The following CARM1 variants were observed in gnomAD, a reference collection of about 807,000 sequenced individuals.
The protein encoded by CARM1 is coactivator associated arginine methyltransferase 1, also known as histone-arginine methyltransferase CARM1.
In CARM1, 14 loss-of-function variants were observed where a neutral mutation model predicts 72.7. The observed-to-expected ratio is 0.19, with a 90% confidence interval of 0.13 to 0.30. CARM1 has a LOEUF of 0.30. Among genes scored for constraint, CARM1 ranks in the 10% least tolerant of loss-of-function variants. The pLI, the probability that CARM1 is intolerant of heterozygous loss-of-function variation, is 1.00. For missense variants in CARM1, 432 were observed against 833.7 expected, an observed-to-expected ratio of 0.52 and a Z score of 5.93; for synonymous variants, 333 against 345.5, an observed-to-expected ratio of 0.96 and a Z score of 0.40.
At chr19:10,919,283 T>G in intron 8 of CARM1, 1 of 298,468 alleles carries the variant, frequency 3.4e-6, no homozygotes, top group Non-Finnish European at 6.2e-6. Flanking sequence ...TTAGATGGTT[T>G]CCAGTGTGTC....
Position 10,921,056 on chromosome 19 carries a change from C to T in CARM1, c.1544C>T (p.Pro515Leu), listed in dbSNP as rs752644931. ...LSSGMAVAGM[P>L]TAYDLSSVIA... ...TCTCCCTCTCTGGACACAGGGATGC[C>T]GACCGCCTATGACTTGAGCAGTGTT... is the stretch of plus-strand genomic sequence containing the variant. The change falls in exon 14 of 16, where the codon CCG becomes CTG. Residue 515 changes from proline (P) to leucine (L), a missense_variant. Pro to Leu is a moderately conservative substitution (Grantham distance 98). Coordinates refer to ENST00000327064, the MANE Select transcript of CARM1 (RefSeq NM_199141.2). 17 of 1,613,980 alleles carry T rather than the reference C, an allele frequency of 1.1e-5. No homozygotes were observed. The highest frequency in any genetic ancestry group is 1.3e-5 in the Non-Finnish European group (15 of 1,179,932).
chr19:10,909,760 AAAAC>A (rs2074133580), intron 4 of CARM1, among the ~76,000 whole-genome samples: 3 of 152,262 alleles, frequency 2.0e-5, no homozygotes, highest in South Asian at 4.1e-4. Flanking sequence ...ACAAACAAAA[AAAAC>A]AAAAAGCAAG....
chr19:10,883,312 C>T (rs1290933100), intron 1 of CARM1, among the ~76,000 whole-genome samples: 1 of 152,124 alleles, frequency 6.6e-6, no homozygotes, highest in Non-Finnish European at 1.5e-5. Flanking sequence ...AGGTAGGACA[C>T]AGAGTAGCCC....
At chr19:10,872,211 G>A (rs1053595316) in intron 1 of CARM1, among the ~76,000 whole-genome samples, 11 of 151,934 alleles carry the variant, frequency 7.2e-5, no homozygotes, top group Non-Finnish European at 1.6e-4. Flanking sequence ...CAGGAAGTGG[G>A]GGGCTCTGAG....
intron 1 of CARM1, among the ~76,000 whole-genome samples, chr19:10,902,810 A>G (rs1186982433): frequency 6.6e-6 from 1 of 150,626 alleles, no homozygotes; most frequent in East Asian, 2.0e-4. Flanking sequence ...GGATTTCACC[A>G]TGTTGCCCAG....
Position 10,920,330 on chromosome 19 carries a change from C to A in CARM1, c.1197-106C>A. ...GTCTCTGCTCCAGGGTCCCAGGGGT[C>A]CCTGGCAGAGGGGGCAGGTGCTTGG... is the stretch of plus-strand genomic sequence containing the variant. On this transcript the variant is annotated intron_variant, in intron 10 of 15. Transcript: ENST00000327064. This position sits in a 1 kb window ranked among gnomAD's most constrained non-coding sequence, Gnocchi z 5.3. 1 of 1,356,492 alleles carries A rather than the reference C, an allele frequency of 7.4e-7. No individual in the cohort carries two copies. Among genetic ancestry groups the A allele is most frequent in the South Asian group, 1.4e-5 (1 of 71,018 alleles). The allele number at this position is 1,356,492 out of a possible 1,614,324, so 84.0% of individuals were successfully genotyped here.
intron 2 of CARM1, among the ~76,000 whole-genome samples, chr19:10,907,349 C>G (rs955955149): frequency 3.9e-5 from 6 of 152,020 alleles, no homozygotes; most frequent in Non-Finnish European, 8.8e-5. Flanking sequence ...TAGATAGAGC[C>G]TGCTTTAAAG....
intron 8 of CARM1, among the ~76,000 whole-genome samples, chr19:10,917,066 AAAAT>A (rs1004667948): frequency 2.0e-4 from 31 of 152,102 alleles, no homozygotes; most frequent in African/African-American, 2.7e-4. Flanking sequence ...TTTTAAAATT[AAAAT>A]AAATAAATAA....
chr19:10,889,356 C>G (rs2073964679), intron 1 of CARM1, among the ~76,000 whole-genome samples: 1 of 151,800 alleles, frequency 6.6e-6, no homozygotes, highest in Admixed American at 6.6e-5. Context: ...CCTTTGTCAC[C>G]CAGGCTGGAG....
chr19:10,875,523 C>G (rs1015637662), intron 1 of CARM1, among the ~76,000 whole-genome samples: 1 of 152,006 alleles, frequency 6.6e-6, no homozygotes, highest in Non-Finnish European at 1.5e-5. Flanking sequence ...CTCCTGGGTT[C>G]AGGCCATTCT....
rs1160334067 is a variant in CARM1 at position 10,915,317 on chromosome 19, G to A, written c.848-1090G>A. On this transcript the variant is annotated intron_variant, in intron 6 of 15. Coordinates refer to ENST00000327064, the MANE Select transcript of CARM1 (RefSeq NM_199141.2). The surrounding 1 kb of genome is among the most constrained non-coding windows in gnomAD (Gnocchi z 4.6). ...CCCAGCAGAGAGGGCCCCTCCCGAT[G>A]GGACATGAAGCCAGATGGCAGTCAG... is the stretch of plus-strand genomic sequence containing the variant. 6.6e-6 allele frequency among the ~76,000 whole-genome samples: 1 copy of A among 152,164 alleles called. No individual in the cohort carries two copies. The highest frequency in any genetic ancestry group is 1.5e-5 in the Non-Finnish European group (1 of 68,012).
Position 10,912,128 on chromosome 19 carries a change from C to A in CARM1, c.559-56C>A. ...TGCACATCCCTTATGATCACTGTCA[C>A]CTCCCCATCACCGTCGCCTCCTATG... On this transcript the variant is annotated intron_variant, in intron 4 of 15. Coordinates refer to ENST00000327064, the MANE Select transcript of CARM1 (RefSeq NM_199141.2). The surrounding 1 kb of genome is among the most constrained non-coding windows in gnomAD (Gnocchi z 4.5). 2.4e-6 allele frequency: 3 copies of A among 1,228,962 alleles called. No individual in the cohort carries two copies. Among genetic ancestry groups the A allele is most frequent in the South Asian group, 1.2e-5 (1 of 83,358 alleles). 76.1% of individuals were successfully genotyped at this position (1,228,962 alleles called of 1,614,324 possible).
In CARM1 at chr19:10,916,519, C is replaced by T. The variant is rs769293458; in HGVS notation, c.938+22C>T. 14 of 1,566,834 alleles carry T rather than the reference C, an allele frequency of 8.9e-6. 1 individual carries two copies. The South Asian group carries it at 1.1e-4, about 12-fold the overall frequency. ...TCTGGTGAGTGTGCCCTGGGTGTCC[C>T]GCCTGGGCCCCACAGCCTGCCTTCT... is the stretch of plus-strand genomic sequence containing the variant. On this transcript the variant is annotated intron_variant, in intron 7 of 15. Coordinates refer to ENST00000327064, the MANE Select transcript of CARM1 (RefSeq NM_199141.2). The surrounding 1 kb of genome is among the most constrained non-coding windows in gnomAD (Gnocchi z 4.4).
chr19:10,913,421 C>T (rs542044653), intron 5 of CARM1, among the ~76,000 whole-genome samples: 68 of 151,902 alleles, frequency 4.5e-4, no homozygotes, highest in Admixed American at 9.8e-4. Context: ...GCCTGTAGTC[C>T]CAGCTACTCG....
chr19:10,913,764 GA>G (rs1412496626), intron 5 of CARM1, 112 bp from the exon 6 acceptor site: 5 of 1,110,128 alleles, frequency 4.5e-6, no homozygotes, highest in Non-Finnish European at 6.4e-6. Context: ...GAAGCAGGCA[GA>G]GGGGCACCCA....
At chr19:10,878,473 A>G (rs1463128094) in intron 1 of CARM1, among the ~76,000 whole-genome samples, 1 of 152,166 alleles carries the variant, frequency 6.6e-6, no homozygotes, top group African/African-American at 2.4e-5. Flanking sequence ...GTATGTTACC[A>G]CTTACTCTGA....
chr19:10,906,841 T>G (rs992505225), intron 2 of CARM1, among the ~76,000 whole-genome samples: 1 of 151,692 alleles, frequency 6.6e-6, no homozygotes, highest in African/African-American at 2.4e-5. Context: ...GTGGCTATTA[T>G]TCTATGTTAA....
intron 1 of CARM1, among the ~76,000 whole-genome samples, chr19:10,874,258 T>C (rs977034800): frequency 1.3e-5 from 2 of 152,120 alleles, no homozygotes; most frequent in African/African-American, 4.8e-5. Flanking sequence ...ACCGGAAACA[T>C]TCATAAAAAG....
chr19:10,890,260 G>GGT (rs2073971901), intron 1 of CARM1, among the ~76,000 whole-genome samples: 1 of 110,534 alleles, frequency 9.0e-6, no homozygotes, highest in African/African-American at 3.0e-5. Context: ...TTTGTTTTTT[G>GGT]TTTTGTTTGT....
Sources: gnomAD v4.1 joint callset for allele counts (sites outside exome capture counted in the v4.1 genomes callset) on GRCh38, gnomAD v4.1.1 for gene constraint, Gnocchi (gnomAD v3.1) non-coding constraint, MANE v1.5 for transcripts, NCBI Gene and HGNC (gene_info 2026-07-23, HGNC 2026-07-21) for gene names.